The following SPATA16 variants were observed in gnomAD, a reference collection of about 807,000 sequenced individuals.
SPATA16 encodes the protein spermatogenesis associated 16, also known as spermatogenesis-associated protein 16.
A neutral mutation model predicts 63.3 loss-of-function variants in SPATA16; 36 were observed. That is an observed-to-expected ratio of 0.57 (90% CI 0.44 to 0.75). SPATA16 has a LOEUF of 0.75. Ranked by LOEUF, SPATA16 falls within the 30% of genes least tolerant of loss-of-function variation. The pLI, the probability that SPATA16 is intolerant of heterozygous loss-of-function variation, is 0.00. For synonymous variants in SPATA16, 203 were observed against 216.7 expected (o/e 0.94, Z 0.56); for missense variants, 646 against 679.3 (o/e 0.95, Z 0.54).
intron 6 of SPATA16, among the ~76,000 whole-genome samples, chr3:172,932,676 GC>G (rs1038427092): frequency 6.6e-6 from 1 of 151,836 alleles, no homozygotes. Flanking sequence ...TATTATTATT[GC>G]CCCCCCATAA....
chr3:173,117,271 G>C lies in SPATA16; in HGVS notation c.461C>G (p.Ala154Gly). 1 of 1,614,172 alleles carries C rather than the reference G, an allele frequency of 6.2e-7. No individual in the cohort carries two copies. The highest frequency in any genetic ancestry group is 8.5e-7 in the Non-Finnish European group (1 of 1,180,006). ...ACTCAAAGGGTCTACTATTTCAGCA[G>C]CTTGGCATGTTGGCTGACTCCCAGT... ...MSTGSQPTCQAAEIVDPLSVH... is the reference protein window; with the variant it reads ...MSTGSQPTCQGAEIVDPLSVH... The change falls in exon 2 of 11, where the codon GCT becomes GGT. Residue 154 changes from alanine to glycine, a missense_variant. Coordinates refer to ENST00000351008, the MANE Select transcript of SPATA16 (RefSeq NM_031955.6).
intron 5 of SPATA16, among the ~76,000 whole-genome samples, chr3:172,974,110 G>C: frequency 6.6e-6 from 1 of 152,132 alleles, no homozygotes; most frequent in East Asian, 1.9e-4. Flanking sequence ...AGGTTCTTGA[G>C]TTCACCAAAG....
intron 1 of SPATA16, among the ~76,000 whole-genome samples, chr3:173,137,606 T>C (rs532223047): frequency 1.3e-5 from 2 of 152,298 alleles, no homozygotes; most frequent in South Asian, 4.1e-4. Context: ...TTCAAGTCTT[T>C]TCTTTCAATC....
At chr3:172,998,713 G>T (rs770663511) in intron 4 of SPATA16, among the ~76,000 whole-genome samples, 1 of 152,046 alleles carries the variant, frequency 6.6e-6, no homozygotes, top group African/African-American at 2.4e-5. Context: ...AGTTTGGGAA[G>T]TTCCTTCTTA....
At chr3:173,056,593 A>G (rs1220804112) in intron 2 of SPATA16, among the ~76,000 whole-genome samples, 1 of 150,920 alleles carries the variant, frequency 6.6e-6, no homozygotes, top group African/African-American at 2.4e-5. Flanking sequence ...AACCCCAACT[A>G]CTAGGGAGGC....
intron 2 of SPATA16, among the ~76,000 whole-genome samples, chr3:173,100,073 C>T (rs565033633): frequency 2.0e-5 from 3 of 152,268 alleles, no homozygotes; most frequent in East Asian, 3.9e-4. Flanking sequence ...TTAGAATGCA[C>T]TCCCAGTGTT....
chr3:173,103,918 C>G lies in SPATA16; in HGVS notation c.612+13202G>C, dbSNP rs1185951073. On this transcript the variant is annotated intron_variant, in intron 2 of 10. Transcript: ENST00000351008. ...CTTCCCTTCTAAATATAGAGTGCAA[C>G]TTTAAGTCATTTATCTGCTCCTGCA... is the stretch of plus-strand genomic sequence containing the variant. Among the ~76,000 whole-genome samples the G allele has an allele frequency of 2.6e-5, 4 of 152,190 alleles. No individual in the cohort carries two copies. In the South Asian group the frequency reaches 8.3e-4, roughly 31 times the overall value.
intron 5 of SPATA16, among the ~76,000 whole-genome samples, chr3:172,964,295 CA>C (rs1433137785): frequency 6.6e-6 from 1 of 152,080 alleles, no homozygotes; most frequent in African/African-American, 2.4e-5. Flanking sequence ...TATTTAATGG[CA>C]AAACATATAT....
chr3:172,899,382 A>G (rs973910803), intron 10 of SPATA16, among the ~76,000 whole-genome samples: 1 of 152,024 alleles, frequency 6.6e-6, no homozygotes, highest in African/African-American at 2.4e-5. Flanking sequence ...ATAGAATATC[A>G]TATCCCTCCC....
At chr3:173,000,762 T>A (rs1734802400) in intron 4 of SPATA16, among the ~76,000 whole-genome samples, 1 of 152,048 alleles carries the variant, frequency 6.6e-6, no homozygotes, top group Non-Finnish European at 1.5e-5. Flanking sequence ...TGGAAGTTTT[T>A]ATTGTCATAT....
chr3:173,015,864 GT>G (rs1735171757), intron 4 of SPATA16, among the ~76,000 whole-genome samples: 8 of 9,328 alleles, frequency 8.6e-4, no homozygotes, highest in African/African-American at 1.6e-3. Context: ...CAAATGGGGT[GT>G]GTGTGTGTGT....
intron 1 of SPATA16, among the ~76,000 whole-genome samples, chr3:173,125,892 T>G (rs886111432): frequency 5.3e-5 from 8 of 152,238 alleles, no homozygotes; most frequent in Admixed American, 1.3e-4. Flanking sequence ...GGTATCTTAT[T>G]ACACAATTAA....
intron 2 of SPATA16, among the ~76,000 whole-genome samples, chr3:173,094,331 A>G (rs953950681): frequency 3.3e-5 from 5 of 152,178 alleles, no homozygotes; most frequent in African/African-American, 9.6e-5. Context: ...ATTTAAAGCC[A>G]AATTCCCTGT....
intron 1 of SPATA16, among the ~76,000 whole-genome samples, chr3:173,127,087 AGTT>A (rs560745557): frequency 6.6e-6 from 1 of 152,222 alleles, no homozygotes; most frequent in South Asian, 2.1e-4. Flanking sequence ...TTTACAGAAA[AGTT>A]GTACGAATAT....
rs1201895474 is a variant in SPATA16, at chr3:172,913,645, C to T, written c.1587+16G>A. 1.2e-6 allele frequency: 2 copies of T among 1,610,492 alleles called. No homozygotes were observed. Among genetic ancestry groups the T allele is most frequent in the African/African-American group, 1.3e-5 (1 of 74,872 alleles). On this transcript the variant is annotated intron_variant, in intron 10 of 10. Transcript: ENST00000351008. ...TTGAGAATAATAGATCTTTTTCCTT[C>T]AGCTCAAAGTTTTACCTTTTGGATC...
At chr3:172,902,669 A>G (rs369181230) in intron 10 of SPATA16, among the ~76,000 whole-genome samples, 3 of 152,190 alleles carry the variant, frequency 2.0e-5, no homozygotes, top group Non-Finnish European at 4.4e-5. Flanking sequence ...TCTCTCCAAC[A>G]TATGTCCACA....
chr3:173,045,870 T>C lies in SPATA16; in HGVS notation c.758+3079A>G, dbSNP rs1316481512. ...CTTGGTGGAAATATTTAATAAGTTT[T>C]TTAAAATGAATGAATGAATGTAGAT... On this transcript the variant is annotated intron_variant, in intron 3 of 10. Coordinates refer to ENST00000351008, the MANE Select transcript of SPATA16 (RefSeq NM_031955.6). 2.0e-5 allele frequency among the ~76,000 whole-genome samples: 3 copies of C among 152,154 alleles called. No homozygotes were observed. In the East Asian group the frequency reaches 5.8e-4, roughly 29 times the overall value.
intron 5 of SPATA16, among the ~76,000 whole-genome samples, chr3:172,963,083 G>A (rs1208217629): frequency 6.6e-6 from 1 of 151,990 alleles, no homozygotes; most frequent in Non-Finnish European, 1.5e-5. Flanking sequence ...TTAGTATAAT[G>A]GTGTGTCAGA....
At chr3:173,115,533 T>C (rs1737872251) in intron 2 of SPATA16, among the ~76,000 whole-genome samples, 1 of 152,076 alleles carries the variant, frequency 6.6e-6, no homozygotes, top group Non-Finnish European at 1.5e-5. Flanking sequence ...ATAATATGGA[T>C]TTTTCCAGCA....
Sources: allele counts gnomAD v4.1 joint callset (sites outside exome capture counted in the v4.1 genomes callset), GRCh38; gene constraint gnomAD v4.1.1; transcripts MANE v1.5; gene names NCBI Gene and HGNC (gene_info 2026-07-23, HGNC 2026-07-21).